ST6GALNAC3: variants seen among roughly 807,000 people sequenced by gnomAD.
ST6GALNAC3 encodes the protein alpha-N-acetylgalactosaminide alpha-2,6-sialyltransferase 3.
A neutral mutation model predicts 32.7 loss-of-function variants in ST6GALNAC3; 25 were observed. That is an observed-to-expected ratio of 0.76 (90% CI 0.56 to 1.07). ST6GALNAC3 has a LOEUF of 1.07. Ranked by LOEUF, ST6GALNAC3 falls within the 50% of genes least tolerant of loss-of-function variation. ST6GALNAC3 has a pLI of 0.00. For missense variants in ST6GALNAC3, 355 were observed against 382.4 expected (o/e 0.93, Z 0.60); for synonymous variants, 129 against 133.1 (o/e 0.97, Z 0.21).
chr1:76,526,770 C>A (rs1662936945), intron 3 of ST6GALNAC3, among the ~76,000 whole-genome samples: 1 of 152,008 alleles, frequency 6.6e-6, no homozygotes, highest in East Asian at 1.9e-4. Flanking sequence ...AAAATATGAT[C>A]CTTTTTGCTG....
chr1:76,094,320 G>T (rs1032317521), intron 1 of ST6GALNAC3, among the ~76,000 whole-genome samples: 1 of 152,226 alleles, frequency 6.6e-6, no homozygotes, highest in Non-Finnish European at 1.5e-5. Flanking sequence ...GGGACCAAAT[G>T]CTATTGTGCT....
chr1:76,102,248 TG>T lies in ST6GALNAC3; in HGVS notation c.18+27365del, dbSNP rs1252268023. Among the ~76,000 whole-genome samples the T allele has an allele frequency of 3.5e-4, 53 of 151,868 alleles. No homozygotes were observed. The East Asian group carries it at 0.01, about 29-fold the overall frequency. ...TGCCTGGTGTGTTTGTGTGTGTGTGTGTGTGTGTGTGTGTGTGTGCCTATTT... is the reference window on the plus strand; with the variant it reads ...TGCCTGGTGTGTTTGTGTGTGTGTGTTGTGTGTGTGTGTGTGTGCCTATTT... On this transcript the variant is annotated intron_variant, in intron 1 of 4. Transcript: ENST00000328299.
At chr1:76,180,805 T>A (rs1186089513) in intron 1 of ST6GALNAC3, among the ~76,000 whole-genome samples, 4 of 152,058 alleles carry the variant, frequency 2.6e-5, no homozygotes, top group African/African-American at 9.7e-5. Flanking sequence ...TCCCCATCCA[T>A]CCTGCTCAGA....
intron 2 of ST6GALNAC3, among the ~76,000 whole-genome samples, chr1:76,410,323 T>G (rs767836614): frequency 2.6e-5 from 4 of 152,056 alleles, no homozygotes; most frequent in Non-Finnish European, 4.4e-5. Flanking sequence ...CAGGAAAGCT[T>G]TTTTCCTAAA....
At chr1:76,178,883 T>G (rs1325176154) in intron 1 of ST6GALNAC3, among the ~76,000 whole-genome samples, 2 of 152,214 alleles carry the variant, frequency 1.3e-5, no homozygotes, top group Non-Finnish European at 2.9e-5. Context: ...TGGCCTTGGA[T>G]GCCTATTTCT....
intron 3 of ST6GALNAC3, among the ~76,000 whole-genome samples, chr1:76,595,909 TCA>T (rs995302467): frequency 2.6e-5 from 4 of 152,112 alleles, no homozygotes; most frequent in African/African-American, 9.7e-5. Context: ...GAAGTTGTTC[TCA>T]GGCCTGGAGA....
At chr1:76,242,598 C>G in intron 1 of ST6GALNAC3, among the ~76,000 whole-genome samples, 1 of 152,124 alleles carries the variant, frequency 6.6e-6, no homozygotes, top group East Asian at 1.9e-4. Context: ...AATGCTCTCC[C>G]TCCCCTTTCC....
chr1:76,173,796 A>G (rs894330784), intron 1 of ST6GALNAC3, among the ~76,000 whole-genome samples: 2 of 152,244 alleles, frequency 1.3e-5, no homozygotes, highest in Non-Finnish European at 2.9e-5. Flanking sequence ...ATACCATCTC[A>G]TGCCAGTCAG....
chr1:76,323,124 T>G (rs975758199), intron 2 of ST6GALNAC3, among the ~76,000 whole-genome samples: 1 of 152,188 alleles, frequency 6.6e-6, no homozygotes, highest in African/African-American at 2.4e-5. Flanking sequence ...CATTTATGAA[T>G]CCCAAAGTAT....
At chr1:76,612,189 G>A (rs544879423) in intron 3 of ST6GALNAC3, among the ~76,000 whole-genome samples, 1 of 152,254 alleles carries the variant, frequency 6.6e-6, no homozygotes, top group Admixed American at 6.5e-5. Context: ...TGGGAGGTGA[G>A]GCCGGTTCCC....
chr1:76,170,214 G>A (rs1652396313), intron 1 of ST6GALNAC3, among the ~76,000 whole-genome samples: 1 of 152,188 alleles, frequency 6.6e-6, no homozygotes, highest in Admixed American at 6.5e-5. Flanking sequence ...CCACTGCGGT[G>A]AAGGGGCCTG....
intron 1 of ST6GALNAC3, among the ~76,000 whole-genome samples, chr1:76,208,617 A>G (rs1354994928): frequency 6.6e-6 from 1 of 152,170 alleles, no homozygotes; most frequent in Non-Finnish European, 1.5e-5. Flanking sequence ...TCACACCTCA[A>G]AAGGTTGGAA....
At position 76,137,772 on chromosome 1, in the gene ST6GALNAC3, A is replaced by G. The variant is rs568199710; in HGVS notation, c.18+62888A>G. Among the ~76,000 whole-genome samples the G allele has an allele frequency of 3.2e-4, 49 of 152,270 alleles. 1 individual carries two copies. The highest frequency in any genetic ancestry group is 1.2e-3 in the African/African-American group (49 of 41,550). ...AGGAACCCTTCCAAGAGATTCTATC[A>G]CTTACCCAAAGCCGAAACACTTGTC... On this transcript the variant is annotated intron_variant, in intron 1 of 4. Transcript: ENST00000328299.
At chr1:76,223,304 G>A (rs1655884138) in intron 1 of ST6GALNAC3, among the ~76,000 whole-genome samples, 1 of 152,064 alleles carries the variant, frequency 6.6e-6, no homozygotes. Flanking sequence ...ACAAAAACCC[G>A]AATACTGTAT....
At chr1:76,172,409 TC>T (rs1435345708) in intron 1 of ST6GALNAC3, among the ~76,000 whole-genome samples, 2 of 152,276 alleles carry the variant, frequency 1.3e-5, no homozygotes, top group East Asian at 3.9e-4. Context: ...CTGGAAGCAT[TC>T]CCTTTGAAAA....
intron 1 of ST6GALNAC3, among the ~76,000 whole-genome samples, chr1:76,241,820 CT>C (rs986374285): frequency 2.6e-5 from 4 of 152,062 alleles, no homozygotes; most frequent in African/African-American, 4.8e-5. Flanking sequence ...AATGAATTCC[CT>C]TTTTTTCACT....
rs866537516 is a variant in ST6GALNAC3 at position 76,537,386 on chromosome 1, T to C, written c.624-90066T>C. ...ATCAGAAAGCTAAAAAGATCTCAAA[T>C]TGACACCCTACCATCACAATTAAAA... On this transcript the variant is annotated intron_variant, in intron 3 of 4. Coordinates refer to ENST00000328299, the MANE Select transcript of ST6GALNAC3 (RefSeq NM_152996.4). Among the ~76,000 whole-genome samples the C allele has an allele frequency of 1.6e-4, 24 of 152,228 alleles. No homozygotes were observed. The South Asian group carries it at 4.8e-3, about 30-fold the overall frequency.
At chr1:76,425,722 C>T (rs1377851020) in intron 3 of ST6GALNAC3, among the ~76,000 whole-genome samples, 2 of 151,798 alleles carry the variant, frequency 1.3e-5, no homozygotes, top group Non-Finnish European at 2.9e-5. Context: ...CCGAGAGAGA[C>T]CAAATCTCAA....
chr1:76,245,086 A>G (rs997116929), intron 1 of ST6GALNAC3, among the ~76,000 whole-genome samples: 1 of 152,128 alleles, frequency 6.6e-6, no homozygotes, highest in Non-Finnish European at 1.5e-5. Context: ...TTGGTAGGCT[A>G]TTAATTACTG....
Sources: allele counts gnomAD v4.1 joint callset (sites outside exome capture counted in the v4.1 genomes callset), GRCh38; gene constraint gnomAD v4.1.1; transcripts MANE v1.5; gene names NCBI Gene and HGNC (gene_info 2026-07-23, HGNC 2026-07-21).